Variants in ELAPOR1 observed in about 807,000 individuals in gnomAD.
ELAPOR1 encodes endosome/lysosome-associated apoptosis and autophagy regulator 1.
A neutral mutation model predicts 119.7 loss-of-function variants in ELAPOR1; 77 were observed. The ratio of observed to expected loss-of-function variants is 0.64; its 90% CI spans 0.54 to 0.78. The LOEUF (loss-of-function observed/expected upper bound fraction) is 0.78, where lower values mean the gene tolerates loss of function less well. Ranked by LOEUF, ELAPOR1 falls within the 30% of genes least tolerant of loss-of-function variation. ELAPOR1 has a pLI of 0.00. For synonymous variants in ELAPOR1, 481 were observed against 487.2 expected, an observed-to-expected ratio of 0.99 and a Z score of 0.17; for missense variants, 1,115 against 1,270.4, an observed-to-expected ratio of 0.88 and a Z score of 1.86.
intron 8 of ELAPOR1, among the ~76,000 whole-genome samples, chr1:109,186,084 A>T (rs565126913): frequency 0.02 from 3,044 of 152,108 alleles, 93 homozygotes; most frequent in African/African-American, 0.063. Flanking sequence ...GGAAAAAAAA[A>T]AACCAGGATT....
intron 7 of ELAPOR1, among the ~76,000 whole-genome samples, chr1:109,175,202 A>T (rs544629661): frequency 2.4e-4 from 35 of 148,218 alleles, no homozygotes; most frequent in South Asian, 1.9e-3. Flanking sequence ...TTTTATTTTT[A>T]TTTTTTTTTG....
intron 1 of ELAPOR1, among the ~76,000 whole-genome samples, chr1:109,136,951 C>T (rs374843000): frequency 2.6e-5 from 4 of 152,238 alleles, no homozygotes; most frequent in African/African-American, 7.2e-5. Flanking sequence ...GCCCCATATC[C>T]GTTGTGGAGG....
At chr1:109,141,416 C>T (rs554996906) in intron 1 of ELAPOR1, among the ~76,000 whole-genome samples, 1 of 151,892 alleles carries the variant, frequency 6.6e-6, no homozygotes, top group East Asian at 1.9e-4. Context: ...CGCCTGCCAC[C>T]ACGCCCGGCT....
chr1:109,146,982 TG>T (rs890493545), intron 1 of ELAPOR1, among the ~76,000 whole-genome samples: 3 of 152,028 alleles, frequency 2.0e-5, no homozygotes, highest in African/African-American at 7.2e-5. Flanking sequence ...CTTGGCTCAC[TG>T]CAACCTCTGC....
intron 1 of ELAPOR1, among the ~76,000 whole-genome samples, chr1:109,124,588 G>A (rs768167805): frequency 2.0e-5 from 3 of 152,086 alleles, no homozygotes; most frequent in Non-Finnish European, 4.4e-5. Context: ...TTAGAAATGA[G>A]GATTCTTTGA....
At chr1:109,163,724 G>C (rs1651406581) in intron 2 of ELAPOR1, among the ~76,000 whole-genome samples, 1 of 152,066 alleles carries the variant, frequency 6.6e-6, no homozygotes, top group Non-Finnish European at 1.5e-5. Context: ...AGGTACCTCT[G>C]ACCACAGAAT....
chr1:109,146,400 A>G (rs895542838), intron 1 of ELAPOR1, among the ~76,000 whole-genome samples: 1 of 152,024 alleles, frequency 6.6e-6, no homozygotes, highest in African/African-American at 2.4e-5. Context: ...CCATATCTAG[A>G]TATATATCAG....
chr1:109,190,395 C>T (rs1653359267), intron 11 of ELAPOR1, among the ~76,000 whole-genome samples: 1 of 152,230 alleles, frequency 6.6e-6, no homozygotes, highest in Admixed American at 6.5e-5. Flanking sequence ...CCTCAGAATT[C>T]AGGCAAATGG....
chr1:109,166,663 T>G (rs1240805242), intron 3 of ELAPOR1, among the ~76,000 whole-genome samples: 2 of 152,172 alleles, frequency 1.3e-5, no homozygotes, highest in Non-Finnish European at 2.9e-5. Flanking sequence ...CCGGCGAGAT[T>G]GAAATTCGAA....
intron 1 of ELAPOR1, among the ~76,000 whole-genome samples, chr1:109,131,461 G>T (rs1649144034): frequency 6.6e-6 from 1 of 152,124 alleles, no homozygotes; most frequent in African/African-American, 2.4e-5. Flanking sequence ...TCCTTTAGCT[G>T]TTGGTCTAGT....
In ELAPOR1 at chr1:109,171,995, C is replaced by T; in HGVS notation, c.597C>T (p.Ser199=). ...TCGAATACTACTATCCAGACTCCAG[C>T]ATCATCTTTGAGTTTTTCGTAAGCC... The part of the protein sequence containing the change: ...VNFEYYYPDS[S]IIFEFFVQND... Residue 199 remains serine (S), a synonymous_variant, in exon 4 of 22, where the codon AGC becomes AGT. Coordinates refer to ENST00000369939, the MANE Select transcript of ELAPOR1 (RefSeq NM_020775.5). 1 of 1,614,216 alleles carries T rather than the reference C, an allele frequency of 6.2e-7. No individual in the cohort carries two copies. The highest frequency in any genetic ancestry group is 8.5e-7 in the Non-Finnish European group (1 of 1,180,034).
rs1486117831 is a variant in ELAPOR1, at chr1:109,123,311, G to A, written c.153+8975G>A. The stretch of plus-strand genomic sequence containing the variant: ...CTCCAATGGACCTATAGTTATAAAT[G>A]TGGCTAATTACTAGGAAAGAAAAGT... On this transcript the variant is annotated intron_variant, in intron 1 of 21. Coordinates refer to ENST00000369939, the MANE Select transcript of ELAPOR1 (RefSeq NM_020775.5). 1.3e-5 allele frequency among the ~76,000 whole-genome samples: 2 copies of A among 152,200 alleles called. 1 individual carries two copies.
At chr1:109,193,235 A>T (rs1653563779) in intron 14 of ELAPOR1, among the ~76,000 whole-genome samples, 1 of 152,210 alleles carries the variant, frequency 6.6e-6, no homozygotes. Context: ...GCCTGTTATT[A>T]TGGAAATCTG....
At chr1:109,195,045 G>T (rs1052114828) in intron 15 of ELAPOR1, among the ~76,000 whole-genome samples, 5 of 152,144 alleles carry the variant, frequency 3.3e-5, no homozygotes, top group African/African-American at 1.2e-4. Context: ...GAGAGGTGGA[G>T]GTTGCAGTGA....
intron 1 of ELAPOR1, among the ~76,000 whole-genome samples, chr1:109,125,208 C>T (rs1030292122): frequency 3.3e-5 from 5 of 151,788 alleles, no homozygotes; most frequent in Admixed American, 2.0e-4. Flanking sequence ...GGAGTACAGG[C>T]GTGAGCCACC....
At chr1:109,162,539 C>T (rs1008369813) in intron 2 of ELAPOR1, among the ~76,000 whole-genome samples, 5 of 152,158 alleles carry the variant, frequency 3.3e-5, no homozygotes, top group Non-Finnish European at 7.3e-5. Flanking sequence ...TTGCCGCAGC[C>T]CCAGCACCCG....
chr1:109,192,656 G>A lies in ELAPOR1; in HGVS notation c.1729G>A (p.Val577Ile). Residue 577 changes from valine (V) to isoleucine (I), a missense_variant, in exon 14 of 22, where the codon GTC (valine) becomes ATC (isoleucine). By Grantham distance (29) the Val-to-Ile change is conservative. Coordinates refer to ENST00000369939, the MANE Select transcript of ELAPOR1 (RefSeq NM_020775.5). ...NDVAKIYSIN[V>I]TNVMNGVASY... ...CGTTGCCAAGATCTACTCCATCAAT[G>A]TCACCAATGTTATGAATGGTGTGGC... 1.2e-6 allele frequency: 2 copies of A among 1,614,082 alleles called. No homozygotes were observed. The highest frequency in any genetic ancestry group is 1.7e-6 in the Non-Finnish European group (2 of 1,180,016).
intron 13 of ELAPOR1, among the ~76,000 whole-genome samples, chr1:109,192,114 C>T (rs549035117): frequency 6.6e-6 from 1 of 152,276 alleles, no homozygotes; most frequent in South Asian, 2.1e-4. Context: ...ACATGTGTTA[C>T]CAGACTTGTT....
rs771354085 is a variant in ELAPOR1, at chr1:109,114,314, C to T, written c.131C>T (p.Pro44Leu). The stretch of plus-strand genomic sequence containing the variant: ...TTCCAGGTGACCCAGGGAACGGGAC[C>T]GGAGCTTCATGCCTGCAAAGAGGTA... ...TAFQVTQGTGPELHACKESEY... is the reference protein window; with the variant it reads ...TAFQVTQGTGLELHACKESEY... The change falls in exon 1 of 22, where the codon CCG becomes CTG. Residue 44 changes from proline to leucine, a missense_variant. Coordinates refer to ENST00000369939, the MANE Select transcript of ELAPOR1 (RefSeq NM_020775.5). 2.5e-6 allele frequency: 4 copies of T among 1,598,978 alleles called. No individual in the cohort carries two copies.
Sources: gnomAD v4.1 joint callset for allele counts (sites outside exome capture counted in the v4.1 genomes callset) on GRCh38, gnomAD v4.1.1 for gene constraint, MANE v1.5 for transcripts, NCBI Gene and HGNC (gene_info 2026-07-23, HGNC 2026-07-21) for gene names.